CYP4V2: variants seen among roughly 807,000 people sequenced by gnomAD.
CYP4V2 encodes the protein cytochrome P450 family 4 subfamily V member 2.
A neutral mutation model predicts 60.8 loss-of-function variants in CYP4V2; 55 were observed. That is an observed-to-expected ratio of 0.90 (90% CI 0.73 to 1.13). The LOEUF (loss-of-function observed/expected upper bound fraction) is 1.13, where lower values mean the gene tolerates loss of function less well. Ranked by LOEUF, CYP4V2 falls within the 50% of genes most tolerant of loss-of-function variation. The probability of loss-of-function intolerance (pLI) is 0.00; values close to 1 mark genes in which losing one functional copy is unlikely to be tolerated. For synonymous variants in CYP4V2, 239 were observed against 236.8 expected (o/e 1.01, Z -0.08); for missense variants, 675 against 662.9 (o/e 1.02, Z -0.20).
intron 8 of CYP4V2, among the ~76,000 whole-genome samples, chr4:186,208,250 C>G (rs139229663): frequency 3.8e-4 from 54 of 143,722 alleles, no homozygotes; most frequent in East Asian, 1.3e-3. Context: ...GTATTTGATG[C>G]GTATTTGATG....
At position 186,201,175 on chromosome 4, in the gene CYP4V2, A is replaced by C. The variant is rs754726100; in HGVS notation, c.820A>C (p.Asn274His). 6.2e-6 allele frequency: 10 copies of C among 1,614,096 alleles called. No individual in the cohort carries two copies. The African/African-American group carries it at 1.2e-4, about 19-fold the overall frequency. Residue 274 changes from asparagine to histidine, a missense_variant, in exon 7 of 11, where the codon AAT becomes CAT. Asn to His is a moderately conservative substitution (Grantham distance 68). Coordinates refer to ENST00000378802, the MANE Select transcript of CYP4V2 (RefSeq NM_207352.4). ...CATACAGGTCATCGCTGAACGGGCC[A>C]ATGAAATGAACGCCAATGAAGACTG... ...FTNSVIAERA[N>H]EMNANEDCRG...
chr4:186,205,049 C>A, intron 7 of CYP4V2, 151 bp from the exon 8 acceptor site: 1 of 770,532 alleles, frequency 1.3e-6, no homozygotes, highest in Non-Finnish European at 2.2e-6. Flanking sequence ...TTGTTTGTCA[C>A]CGAGGCAAGG....
At chr4:186,205,558 C>T (rs1490780838) in intron 8 of CYP4V2, among the ~76,000 whole-genome samples, 1 of 152,170 alleles carries the variant, frequency 6.6e-6, no homozygotes, top group East Asian at 1.9e-4. Flanking sequence ...CCAGGCGAAA[C>T]AGAGGCTTTG....
chr4:186,199,118 G>T (rs1294352784), intron 6 of CYP4V2, 35 bp downstream of exon 6: 22 of 1,601,594 alleles, frequency 1.4e-5, no homozygotes, highest in Non-Finnish European at 1.4e-5. Flanking sequence ...TGGTAAAATA[G>T]ACATAACATA....
Position 186,210,696 on chromosome 4 carries a change from C to T in CYP4V2, c.*55C>T. ...AGAAAGGTCTTTATTTTAAGAGATC[C>T]TTGTCATTTACAATTTACAGATCAT... On this transcript the variant is annotated 3_prime_UTR_variant, in exon 11 of 11. Transcript: ENST00000378802. 3.7e-6 allele frequency: 6 copies of T among 1,605,278 alleles called. No individual in the cohort carries two copies. Among genetic ancestry groups the T allele is most frequent in the Non-Finnish European group, 5.1e-6 (6 of 1,174,288 alleles).
intron 1 of CYP4V2, among the ~76,000 whole-genome samples, chr4:186,192,598 T>G (rs967109711): frequency 5.9e-5 from 9 of 152,210 alleles, no homozygotes; most frequent in Admixed American, 4.6e-4. Flanking sequence ...TCAGGCAGAC[T>G]TCTTTGGAGG....
intron 5 of CYP4V2, among the ~76,000 whole-genome samples, chr4:186,198,479 T>A (rs1031506950): frequency 6.6e-6 from 1 of 152,196 alleles, no homozygotes; most frequent in Non-Finnish European, 1.5e-5. Context: ...GTCTTTCTGC[T>A]CTATGGCTGG....
intron 8 of CYP4V2, among the ~76,000 whole-genome samples, chr4:186,206,084 C>A (rs1404757008): frequency 6.6e-6 from 1 of 152,248 alleles, no homozygotes; most frequent in Non-Finnish European, 1.5e-5. Flanking sequence ...CACTCCTTGT[C>A]TCTTCAGCTT....
Position 186,210,528 on chromosome 4 carries a change from T to C in CYP4V2, c.1465T>C (p.Trp489Arg). 6.2e-7 allele frequency: 1 copy of C among 1,614,230 alleles called. No homozygotes were observed. Residue 489 changes from tryptophan (W) to arginine (R), a missense_variant, in exon 11 of 11, where the codon TGG (tryptophan) becomes CGG (arginine). Physicochemically the swap from Trp to Arg is moderately radical, Grantham distance 101 (BLOSUM62 -3). Coordinates refer to ENST00000378802, the MANE Select transcript of CYP4V2 (RefSeq NM_207352.4). ...TILSCILRHF[W>R]IESNQKREEL... ...TCTTTCGTGCATCCTGAGGCACTTT[T>C]GGATAGAATCCAACCAGAAAAGAGA...
Position 186,208,791 on chromosome 4 carries a change from C to T in CYP4V2, c.1091-74C>T, listed in dbSNP as rs1202660891. On this transcript the variant is annotated intron_variant, in intron 8 of 10. Transcript: ENST00000378802. ...TTTAGCATGCCATGCCTTGATCCAC[C>T]TGTTCTTTTTAGATGTCTGCACCCC... is the stretch of plus-strand genomic sequence containing the variant. 5.0e-6 allele frequency: 8 copies of T among 1,601,084 alleles called. No individual in the cohort carries two copies. In the African/African-American group the frequency reaches 1.1e-4, roughly 21 times the overall value.
At position 186,209,096 on chromosome 4, in the gene CYP4V2, G is replaced by T. The variant is rs566680277; in HGVS notation, c.1229G>T (p.Gly410Val). 37 of 1,614,082 alleles carry T rather than the reference G, an allele frequency of 2.3e-5. No homozygotes were observed. The East Asian group carries it at 8.0e-4, about 35-fold the overall frequency. ...RSVSEDCEVA[G>V]YRVLKGTEAV... Reference sequence around the variant, plus strand: ...TGTATTGACTACTTCTTGACAGCAGGTTACAGAGTTCTAAAAGGCACTGAA... The same window carrying T: ...TGTATTGACTACTTCTTGACAGCAGTTTACAGAGTTCTAAAAGGCACTGAA... The change falls in exon 10 of 11, where the codon GGT (glycine) becomes GTT (valine). Residue 410 changes from glycine (G) to valine (V), a missense_variant. Physicochemically the swap from Gly to Val is moderately radical, Grantham distance 109 (BLOSUM62 -3). Transcript: ENST00000378802.
chr4:186,206,195 C>T (rs72646285), intron 8 of CYP4V2, among the ~76,000 whole-genome samples: 10,666 of 152,116 alleles, frequency 0.07, 1,248 homozygotes, highest in African/African-American at 0.24. Flanking sequence ...TGTGTGCACG[C>T]ACGTGCATGC....
At chr4:186,204,545 A>C (rs1736439656) in intron 7 of CYP4V2, 1 of 184,160 alleles carries the variant, frequency 5.4e-6, no homozygotes. Context: ...GACACGCCGC[A>C]GGCTCAGTTT....
chr4:186,199,531 G>A (rs946747708), intron 6 of CYP4V2, among the ~76,000 whole-genome samples: 6 of 152,168 alleles, frequency 3.9e-5, no homozygotes, highest in Non-Finnish European at 7.3e-5. Flanking sequence ...ATTACAACAT[G>A]TGATATGAGC....
At position 186,211,210 on chromosome 4, in the gene CYP4V2, A is replaced by C. The variant is rs1416291727; in HGVS notation, c.*569A>C. The C allele has an allele frequency of 6.5e-6, 1 of 153,148 alleles. No individual in the cohort carries two copies. Among genetic ancestry groups the C allele is most frequent in the African/African-American group, 2.4e-5 (1 of 41,428 alleles). The allele number at this position is 153,148 out of a possible 1,614,324, so 9.5% of individuals were successfully genotyped here. ...GGTCACAAAAGTAGTTAATTGTGTC[A>C]GCACCCAAATAAACATCTAACAGGT... is the stretch of plus-strand genomic sequence containing the variant. On this transcript the variant is annotated 3_prime_UTR_variant, in exon 11 of 11. Transcript: ENST00000378802.
Position 186,201,321 on chromosome 4 carries a change from A to T in CYP4V2, c.966A>T (p.Glu322Asp), listed in dbSNP as rs779971050. 1 of 1,614,160 alleles carries T rather than the reference A, an allele frequency of 6.2e-7. No individual in the cohort carries two copies. The highest frequency in any genetic ancestry group is 8.5e-7 in the Non-Finnish European group (1 of 1,180,018). ...TAAGTCATGAAGATATTCGAGAAGA[A>T]GTTGACACCTTCATGTTTGAGGTAT... The part of the protein sequence containing the change: ...NRLSHEDIRE[E>D]VDTFMFEGHD... The change falls in exon 7 of 11, where the codon GAA becomes GAT. Residue 322 changes from glutamate to aspartate, a missense_variant. Physicochemically the swap from Glu to Asp is conservative, Grantham distance 45 (BLOSUM62 2). Transcript: ENST00000378802.
In CYP4V2 at chr4:186,201,241, C is replaced by T. The variant is rs762474840; in HGVS notation, c.886C>T (p.Arg296Cys). ...GGGCTCTGCCCCCTCCAAAAATAAA[C>T]GCAGGGCCTTTCTTGACTTGCTTTT... ...GRGSAPSKNKRRAFLDLLLSV... is the reference protein window; with the variant it reads ...GRGSAPSKNKCRAFLDLLLSV... The change falls in exon 7 of 11, where the codon CGC (arginine) becomes TGC (cysteine). Residue 296 changes from arginine to cysteine, a missense_variant. Coordinates refer to ENST00000378802, the MANE Select transcript of CYP4V2 (RefSeq NM_207352.4). The T allele has an allele frequency of 1.1e-5, 17 of 1,614,100 alleles. No individual in the cohort carries two copies. Among genetic ancestry groups the T allele is most frequent in the South Asian group, 2.2e-5 (2 of 91,074 alleles).
intron 8 of CYP4V2, among the ~76,000 whole-genome samples, chr4:186,207,565 A>T (rs55846148): frequency 0.14 from 20,305 of 141,906 alleles, 1,686 homozygotes; most frequent in Admixed American, 0.21. Context: ...TAAAATATAT[A>T]AAAATATTAA....
intron 1 of CYP4V2, chr4:186,192,400 G>A (rs1736018281): frequency 2.3e-6 from 1 of 438,140 alleles, no homozygotes; most frequent in Non-Finnish European, 4.3e-6. Flanking sequence ...GTTTTAAACT[G>A]GCCAACACCT....
Sources: allele counts gnomAD v4.1 joint callset (sites outside exome capture counted in the v4.1 genomes callset), GRCh38; gene constraint gnomAD v4.1.1; transcripts MANE v1.5; gene names NCBI Gene and HGNC (gene_info 2026-07-23, HGNC 2026-07-21).